MRPS35: variants seen among roughly 807,000 people sequenced by gnomAD.
MRPS35 encodes the protein mitochondrial ribosomal protein S35, also known as small ribosomal subunit protein mS35.
MRPS35 carries 29 observed loss-of-function variants against 32.7 expected under a neutral mutation model. The ratio of observed to expected loss-of-function variants is 0.89; its 90% CI spans 0.66 to 1.21. The LOEUF is 1.21. Among genes scored for constraint, MRPS35 ranks in the 50% most tolerant of loss-of-function variants. The pLI, the probability that MRPS35 is intolerant of heterozygous loss-of-function variation, is 0.00. For synonymous variants in MRPS35, 148 were observed against 139.3 expected, an observed-to-expected ratio of 1.06 and a Z score of -0.44; for missense variants, 373 against 383.8, an observed-to-expected ratio of 0.97 and a Z score of 0.23.
chr12:27,714,099 G>A (rs1034804298), intron 1 of MRPS35, among the ~76,000 whole-genome samples: 18 of 147,118 alleles, frequency 1.2e-4, no homozygotes, highest in South Asian at 6.5e-4. Flanking sequence ...AAAAAAGAAA[G>A]AAAGAGAAAA....
intron 5 of MRPS35, among the ~76,000 whole-genome samples, chr12:27,732,189 G>A (rs900097777): frequency 6.6e-6 from 1 of 152,220 alleles, no homozygotes; most frequent in African/African-American, 2.4e-5. Flanking sequence ...TGAACTGAGA[G>A]TCAGAAAACC....
At chr12:27,741,047 A>T (rs568823208) in intron 7 of MRPS35, among the ~76,000 whole-genome samples, 5 of 152,100 alleles carry the variant, frequency 3.3e-5, no homozygotes, top group Non-Finnish European at 5.9e-5. Flanking sequence ...GGGTGCCTGT[A>T]GTCCCAGCTA....
intron 1 of MRPS35, among the ~76,000 whole-genome samples, chr12:27,713,601 T>A (rs2061836699): frequency 6.6e-6 from 1 of 152,068 alleles, no homozygotes; most frequent in African/African-American, 2.4e-5. Flanking sequence ...ATATTCTTCT[T>A]TCATCTGCCT....
rs567814523 is a variant in MRPS35, at chr12:27,717,448, A to T, written c.321+990A>T. On this transcript the variant is annotated intron_variant, in intron 3 of 7. Transcript: ENST00000081029. ...TCATGGGTGTTTTAAAGAAAATATA[A>T]ATGCTTAGTCTGGGAATGCATATCT... Among the ~76,000 whole-genome samples the T allele has an allele frequency of 3.3e-5, 5 of 152,362 alleles. No individual in the cohort carries two copies. In the South Asian group the frequency reaches 1.0e-3, roughly 32 times the overall value.
chr12:27,746,177 A>G (rs890906634), intron 7 of MRPS35, among the ~76,000 whole-genome samples: 57 of 152,150 alleles, frequency 3.7e-4, no homozygotes, highest in African/African-American at 1.4e-3. Context: ...CTGAGCTCTG[A>G]TTGTGAATAA....
intron 7 of MRPS35, among the ~76,000 whole-genome samples, chr12:27,744,065 C>G (rs532302394): frequency 6.6e-6 from 1 of 152,320 alleles, no homozygotes; most frequent in African/African-American, 2.4e-5. Flanking sequence ...TGCTTTGAGG[C>G]TGTTACTCTT....
intron 1 of MRPS35, among the ~76,000 whole-genome samples, chr12:27,712,485 C>T (rs1158066084): frequency 1.3e-5 from 2 of 152,110 alleles, no homozygotes; most frequent in East Asian, 3.8e-4. Context: ...TGTTTGGAGG[C>T]TGTTGCAGTA....
At chr12:27,748,907 C>T (rs144724992) in intron 7 of MRPS35, among the ~76,000 whole-genome samples, 1 of 152,228 alleles carries the variant, frequency 6.6e-6, no homozygotes, top group African/African-American at 2.4e-5. Flanking sequence ...CTAATTCCAC[C>T]TACTTGAGAG....
intron 3 of MRPS35, among the ~76,000 whole-genome samples, chr12:27,718,322 G>C (rs2061859347): frequency 2.0e-5 from 3 of 152,162 alleles, no homozygotes; most frequent in Admixed American, 2.0e-4. Context: ...AGCTACTTGG[G>C]AGACTGAGGC....
intron 1 of MRPS35, among the ~76,000 whole-genome samples, chr12:27,711,586 A>T (rs1296150989): frequency 6.6e-6 from 1 of 152,022 alleles, no homozygotes; most frequent in African/African-American, 2.4e-5. Flanking sequence ...CAATAGGCGG[A>T]TCCTACCTGT....
chr12:27,719,541 C>G (rs899855833), intron 3 of MRPS35, among the ~76,000 whole-genome samples: 1 of 151,924 alleles, frequency 6.6e-6, no homozygotes, highest in African/African-American at 2.4e-5. Flanking sequence ...TGGCGGGCGC[C>G]TGTAGTCCCA....
At chr12:27,722,764 AAC>A (rs1297925955) in intron 4 of MRPS35, among the ~76,000 whole-genome samples, 3 of 152,190 alleles carry the variant, frequency 2.0e-5, no homozygotes. Context: ...TGATTTTTTA[AAC>A]AGTGTTCAAG....
At chr12:27,719,125 A>T (rs1397188005) in intron 3 of MRPS35, among the ~76,000 whole-genome samples, 3 of 152,132 alleles carry the variant, frequency 2.0e-5, no homozygotes, top group African/African-American at 7.2e-5. Context: ...CCACGTGCTT[A>T]AGTCCTTTCA....
chr12:27,723,551 A>G (rs2061885927), intron 4 of MRPS35, among the ~76,000 whole-genome samples: 1 of 152,240 alleles, frequency 6.6e-6, no homozygotes, highest in Admixed American at 6.5e-5. Flanking sequence ...GGTTCTATTC[A>G]GCCAAATTTC....
chr12:27,712,298 C>T (rs1324768073), intron 1 of MRPS35, among the ~76,000 whole-genome samples: 1 of 152,128 alleles, frequency 6.6e-6, no homozygotes, highest in African/African-American at 2.4e-5. Context: ...TAGTATAAGA[C>T]GTCAGAGAGT....
chr12:27,726,047 C>A (rs776959866), intron 5 of MRPS35, among the ~76,000 whole-genome samples: 2 of 151,166 alleles, frequency 1.3e-5, no homozygotes, highest in African/African-American at 4.9e-5. Context: ...TGGACTCAGG[C>A]GATCTGCCTG....
intron 7 of MRPS35, among the ~76,000 whole-genome samples, chr12:27,739,276 C>G (rs921980153): frequency 1.3e-5 from 2 of 152,184 alleles, no homozygotes; most frequent in African/African-American, 4.8e-5. Flanking sequence ...TTCCATCCAT[C>G]GGCCACTTAG....
chr12:27,715,068 A>C (rs1225544697), intron 2 of MRPS35, among the ~76,000 whole-genome samples: 1 of 152,200 alleles, frequency 6.6e-6, no homozygotes, highest in Non-Finnish European at 1.5e-5. Context: ...AATATGGAAC[A>C]ATTTCTAATG....
chr12:27,739,786 A>G (rs1278817300), intron 7 of MRPS35, among the ~76,000 whole-genome samples: 1 of 152,210 alleles, frequency 6.6e-6, no homozygotes, highest in Non-Finnish European at 1.5e-5. Flanking sequence ...GCCAGTATCT[A>G]TTAGAATGAA....
Sources: allele counts gnomAD v4.1 joint callset (sites outside exome capture counted in the v4.1 genomes callset), GRCh38; gene constraint gnomAD v4.1.1; transcripts MANE v1.5; gene names NCBI Gene and HGNC (gene_info 2026-07-23, HGNC 2026-07-21).